EEFSEC: variants seen among roughly 807,000 people sequenced by gnomAD.
The protein encoded by EEFSEC is eukaryotic elongation factor, selenocysteine-tRNA specific.
Under a neutral mutation model 42.1 loss-of-function variants are expected in EEFSEC, and 43 were observed. That is an observed-to-expected ratio of 1.02 (90% CI 0.80 to 1.32). The LOEUF (loss-of-function observed/expected upper bound fraction) is 1.32. EEFSEC is among the 40% of genes most tolerant of loss of function. The pLI, the probability that EEFSEC is intolerant of heterozygous loss-of-function variation, is 0.00. For missense variants in EEFSEC, 745 were observed against 803.6 expected, an observed-to-expected ratio of 0.93 and a Z score of 0.88; for synonymous variants, 354 against 339.1, an observed-to-expected ratio of 1.04 and a Z score of -0.48.
At chr3:128,188,080 A>G (rs2065482678) in intron 1 of EEFSEC, among the ~76,000 whole-genome samples, 1 of 151,990 alleles carries the variant, frequency 6.6e-6, no homozygotes, top group Non-Finnish European at 1.5e-5. Context: ...TACAGAGTTT[A>G]CCCTGGCATT....
intron 4 of EEFSEC, among the ~76,000 whole-genome samples, chr3:128,324,140 T>C (rs1334188107): frequency 6.6e-6 from 1 of 152,214 alleles, no homozygotes; most frequent in Non-Finnish European, 1.5e-5. Flanking sequence ...AATGCTATCA[T>C]GTGCCCCAGG....
At chr3:128,377,325 G>A (rs957391776) in intron 6 of EEFSEC, among the ~76,000 whole-genome samples, 4 of 151,966 alleles carry the variant, frequency 2.6e-5, no homozygotes, top group Non-Finnish European at 5.9e-5. Flanking sequence ...GTGATTAAGA[G>A]CCTGGGCTCC....
intron 4 of EEFSEC, among the ~76,000 whole-genome samples, chr3:128,315,337 C>A (rs1391708035): frequency 6.6e-6 from 1 of 152,172 alleles, no homozygotes; most frequent in African/African-American, 2.4e-5. Context: ...AATAAAATGA[C>A]TGCTGAGCCC....
At chr3:128,375,027 T>C (rs553863144) in intron 6 of EEFSEC, among the ~76,000 whole-genome samples, 11 of 152,346 alleles carry the variant, frequency 7.2e-5, no homozygotes, top group African/African-American at 2.4e-4. Flanking sequence ...GTTCCCATTT[T>C]GGTTTGGCCC....
intron 6 of EEFSEC, among the ~76,000 whole-genome samples, chr3:128,370,868 T>C (rs895245550): frequency 6.6e-6 from 1 of 152,126 alleles, no homozygotes; most frequent in Non-Finnish European, 1.5e-5. Flanking sequence ...GTTTTACCGA[T>C]GCAGTGAGGC....
chr3:128,393,857 C>T (rs1179596851), intron 6 of EEFSEC, among the ~76,000 whole-genome samples: 3 of 152,222 alleles, frequency 2.0e-5, no homozygotes, highest in Non-Finnish European at 4.4e-5. Context: ...CACTTATGGG[C>T]ACCTGCTTTG....
At chr3:128,401,010 CA>C (rs1181998187) in intron 6 of EEFSEC, among the ~76,000 whole-genome samples, 1 of 152,170 alleles carries the variant, frequency 6.6e-6, no homozygotes, top group African/African-American at 2.4e-5. Context: ...TTGGGTTCAT[CA>C]GGGGGTGGAG....
intron 4 of EEFSEC, among the ~76,000 whole-genome samples, chr3:128,316,497 C>G (rs993404925): frequency 1.8e-4 from 27 of 152,222 alleles, no homozygotes; most frequent in African/African-American, 6.5e-4. Context: ...TGCCCCATCC[C>G]CTTATGATCG....
chr3:128,302,859 A>G (rs1471705771), intron 4 of EEFSEC, among the ~76,000 whole-genome samples: 1 of 152,216 alleles, frequency 6.6e-6, no homozygotes, highest in Non-Finnish European at 1.5e-5. Flanking sequence ...TGATCTTACA[A>G]ATATTTCTCA....
At chr3:128,395,559 G>A (rs1435991756) in intron 6 of EEFSEC, among the ~76,000 whole-genome samples, 1 of 152,210 alleles carries the variant, frequency 6.6e-6, no homozygotes, top group Non-Finnish European at 1.5e-5. Flanking sequence ...AGAACAAAAA[G>A]AGGAGAAAAC....
At chr3:128,180,825 G>A (rs1270193013) in intron 1 of EEFSEC, among the ~76,000 whole-genome samples, 1 of 152,186 alleles carries the variant, frequency 6.6e-6, no homozygotes, top group Non-Finnish European at 1.5e-5. Flanking sequence ...ACAGCAGGAA[G>A]GCATAGTCTT....
chr3:128,161,516 T>C (rs933769243), intron 1 of EEFSEC, among the ~76,000 whole-genome samples: 1 of 152,154 alleles, frequency 6.6e-6, no homozygotes, highest in Admixed American at 6.5e-5. Flanking sequence ...GGTCTGACCC[T>C]CTCTGAGCCC....
intron 4 of EEFSEC, among the ~76,000 whole-genome samples, chr3:128,293,660 CAAAAAAAAAAAA>C (rs759485696): frequency 0.053 from 743 of 14,146 alleles, 39 homozygotes; most frequent in African/African-American, 0.1. Flanking sequence ...GACTCTATCT[CAAAAAAAAAAAA>C]AAAAAAAAAA....
At chr3:128,415,116 G>T in the EEFSEC span, among the ~76,000 whole-genome samples, 1 of 152,170 alleles carries the variant, frequency 6.6e-6, no homozygotes, top group Non-Finnish European at 1.5e-5. Flanking sequence ...TACCCTTGGG[G>T]AATTTGGCTT....
At chr3:128,370,683 C>G (rs1401089222) in intron 6 of EEFSEC, among the ~76,000 whole-genome samples, 4 of 152,252 alleles carry the variant, frequency 2.6e-5, no homozygotes, top group African/African-American at 9.6e-5. Context: ...GCCATTGCCC[C>G]TCTCCCTGTG....
chr3:128,318,717 AT>A (rs1216802959), intron 4 of EEFSEC, among the ~76,000 whole-genome samples: 1 of 152,202 alleles, frequency 6.6e-6, no homozygotes, highest in Non-Finnish European at 1.5e-5. Flanking sequence ...ATGGCAAGCC[AT>A]TCTGGTCTTG....
At chr3:128,273,891 G>T (rs1267077583) in intron 4 of EEFSEC, among the ~76,000 whole-genome samples, 1 of 152,176 alleles carries the variant, frequency 6.6e-6, no homozygotes, top group Admixed American at 6.5e-5. Flanking sequence ...GCTCAGTCTG[G>T]TCGTGCTTGG....
In EEFSEC at chr3:128,408,117, A is replaced by G. The variant is rs1340314519; in HGVS notation, c.1649A>G (p.Lys550Arg). Residue 550 changes from lysine to arginine, a missense_variant, in exon 7 of 7, where the codon AAG becomes AGG. Lys to Arg is a conservative substitution (Grantham distance 26, BLOSUM62 2). Transcript: ENST00000254730. ...AAGATCCTGACACCCGCCCTCAAGA[A>G]GCGGGCCCGGGCTGGCCGTGGGGAG... ...SKKILTPALKKRARAGRGEAT... is the reference protein window; with the variant it reads ...SKKILTPALKRRARAGRGEAT... 1 of 1,606,992 alleles carries G rather than the reference A, an allele frequency of 6.2e-7. No homozygotes were observed. The highest frequency in any genetic ancestry group is 8.5e-7 in the Non-Finnish European group (1 of 1,176,510).
At position 128,290,941 on chromosome 3, in the gene EEFSEC, G is replaced by T. The variant is rs542073854; in HGVS notation, c.786+26160G>T. Reference sequence around the variant, plus strand: ...TATTTTTATTTTTAGTAGAGATGGGGTTTCGCCATATTGGCCATGGCTGGT... The same window carrying T: ...TATTTTTATTTTTAGTAGAGATGGGTTTTCGCCATATTGGCCATGGCTGGT... On this transcript the variant is annotated intron_variant, in intron 4 of 6. Coordinates refer to ENST00000254730, the MANE Select transcript of EEFSEC (RefSeq NM_021937.5). Among the ~76,000 whole-genome samples the T allele has an allele frequency of 2.0e-3, 300 of 151,954 alleles. 1 individual carries two copies. The highest frequency in any genetic ancestry group is 3.2e-3 in the Non-Finnish European group (216 of 67,962).
Sources: allele counts gnomAD v4.1 joint callset (sites outside exome capture counted in the v4.1 genomes callset), GRCh38; gene constraint gnomAD v4.1.1; transcripts MANE v1.5; gene names NCBI Gene and HGNC (gene_info 2026-07-23, HGNC 2026-07-21).